The following KSR1 variants were observed in gnomAD, a reference collection of about 807,000 sequenced individuals.
The protein encoded by KSR1 is kinase suppressor of ras 1.
In KSR1, 35 loss-of-function variants were observed where a neutral mutation model predicts 92.9. The observed-to-expected ratio is 0.38, with a 90% CI of 0.29 to 0.50. The LOEUF (loss-of-function observed/expected upper bound fraction) is 0.50, where lower values mean the gene tolerates loss of function less well. Among genes scored for constraint, KSR1 ranks in the 20% least tolerant of loss-of-function variants. KSR1 has a pLI of 0.94. For synonymous variants in KSR1, 467 were observed against 472.6 expected, an observed-to-expected ratio of 0.99 and a Z score of 0.15; for missense variants, 972 against 1,158.5, an observed-to-expected ratio of 0.84 and a Z score of 2.34.
intron 13 of KSR1, 89 bp from the exon 14 acceptor site, chr17:27,605,343 CCT>C (rs2073712586): frequency 6.7e-7 from 1 of 1,492,102 alleles, no homozygotes; most frequent in Non-Finnish European, 8.9e-7. Flanking sequence ...GCCTCTCTCC[CCT>C]GTTACCTGGC....
chr17:27,490,550 G>A (rs1459328601), intron 1 of KSR1, among the ~76,000 whole-genome samples: 1 of 152,102 alleles, frequency 6.6e-6, no homozygotes, highest in Admixed American at 6.5e-5. Context: ...AGGATCAGGG[G>A]TGGGGGTTAC....
At chr17:27,602,423 A>G (rs1482316424) in intron 11 of KSR1, among the ~76,000 whole-genome samples, 1 of 152,216 alleles carries the variant, frequency 6.6e-6, no homozygotes, top group Non-Finnish European at 1.5e-5. Context: ...CATTGGGAAG[A>G]TATGGCTCTT....
At chr17:27,540,077 T>C (rs1228601681) in intron 1 of KSR1, among the ~76,000 whole-genome samples, 2 of 152,252 alleles carry the variant, frequency 1.3e-5, no homozygotes, top group African/African-American at 4.8e-5. Context: ...TTTTAAACCA[T>C]AGTTGACCTC....
At chr17:27,580,328 A>G (rs550128898) in intron 3 of KSR1, among the ~76,000 whole-genome samples, 1 of 152,238 alleles carries the variant, frequency 6.6e-6, no homozygotes, top group African/African-American at 2.4e-5. Context: ...ATGGGAGCAC[A>G]GGGACTGAGC....
At chr17:27,584,706 TC>T (rs2072902965) in intron 4 of KSR1, among the ~76,000 whole-genome samples, 2 of 152,158 alleles carry the variant, frequency 1.3e-5, no homozygotes, top group South Asian at 4.1e-4. Context: ...CTGAGTCCAG[TC>T]CCTGCAGAGC....
chr17:27,616,550 T>G lies in KSR1; in HGVS notation c.2494-745T>G, dbSNP rs2074059726. On this transcript the variant is annotated intron_variant, in intron 18 of 20. Coordinates refer to ENST00000644974, the MANE Select transcript of KSR1 (RefSeq NM_001394583.1). Reference sequence around the variant, plus strand: ...TCCAGAGACAGTATCTTGATCTGCTTATCTTTGATCTCTCTCTGGTTTTCC... The same window carrying G: ...TCCAGAGACAGTATCTTGATCTGCTGATCTTTGATCTCTCTCTGGTTTTCC... 1.3e-5 allele frequency among the ~76,000 whole-genome samples: 2 copies of G among 152,222 alleles called. 1 individual carries two copies. Among genetic ancestry groups the G allele is most frequent in the South Asian group, 4.1e-4 (2 of 4,828 alleles).
chr17:27,528,259 G>T (rs1567795441), intron 1 of KSR1, among the ~76,000 whole-genome samples: 1 of 151,874 alleles, frequency 6.6e-6, no homozygotes, highest in Non-Finnish European at 1.5e-5. Flanking sequence ...TAGAGAGAGG[G>T]TGTCACCATG....
At chr17:27,461,546 T>C (rs959619087) in intron 1 of KSR1, among the ~76,000 whole-genome samples, 3 of 152,240 alleles carry the variant, frequency 2.0e-5, no homozygotes, top group Non-Finnish European at 4.4e-5. Context: ...GCCAAGTGGC[T>C]CCAGCCGTCT....
At chr17:27,538,092 A>G (rs1048735051) in intron 1 of KSR1, among the ~76,000 whole-genome samples, 3 of 152,212 alleles carry the variant, frequency 2.0e-5, no homozygotes, top group African/African-American at 7.2e-5. Flanking sequence ...AGAATGAGGG[A>G]TACCTTCTTT....
intron 1 of KSR1, among the ~76,000 whole-genome samples, chr17:27,479,152 A>G (rs1292049392): frequency 2.6e-5 from 3 of 117,018 alleles, no homozygotes; most frequent in African/African-American, 1.0e-4. Context: ...TCCTCCCTCC[A>G]TCCATGCTCC....
chr17:27,588,464 T>C lies in KSR1; in HGVS notation c.986-11T>C, dbSNP rs771857208. On this transcript the variant is annotated splice_polypyrimidine_tract_variant and intron_variant, in intron 5 of 20. Coordinates refer to ENST00000644974, the MANE Select transcript of KSR1 (RefSeq NM_001394583.1). Reference sequence around the variant, plus strand: ...TTCCTCAGCCTGCCCATCCGGCCTCTTTCCCTGCAGATCTCTCGCATGGAT... The same window carrying C: ...TTCCTCAGCCTGCCCATCCGGCCTCCTTCCCTGCAGATCTCTCGCATGGAT... The C allele has an allele frequency of 8.3e-6, 13 of 1,570,784 alleles. No individual in the cohort carries two copies. The highest frequency in any genetic ancestry group is 1.0e-5 in the Non-Finnish European group (12 of 1,158,048).
intron 1 of KSR1, among the ~76,000 whole-genome samples, chr17:27,500,814 A>G (rs908139127): frequency 4.6e-5 from 7 of 152,260 alleles, no homozygotes; most frequent in African/African-American, 1.7e-4. Context: ...AGCGGGGGCA[A>G]AGGGTGCTGC....
chr17:27,494,685 T>C (rs2068926670), intron 1 of KSR1, among the ~76,000 whole-genome samples: 2 of 152,230 alleles, frequency 1.3e-5, no homozygotes, highest in Non-Finnish European at 2.9e-5. Context: ...TTCTGGCATT[T>C]GTGCAGTTTA....
At chr17:27,561,016 C>T (rs1438719062) in intron 2 of KSR1, among the ~76,000 whole-genome samples, 1 of 152,160 alleles carries the variant, frequency 6.6e-6, no homozygotes, top group Admixed American at 6.5e-5. Flanking sequence ...ACTGGCATGC[C>T]TGTATCACCT....
rs2019578576 is a variant in KSR1 at position 27,464,321 on chromosome 17, G to T, written c.231+7447G>T. Among the ~76,000 whole-genome samples, 7 of 152,328 alleles carry T rather than the reference G, an allele frequency of 4.6e-5. No individual in the cohort carries two copies. In the South Asian group the frequency reaches 1.5e-3, roughly 32 times the overall value. On this transcript the variant is annotated intron_variant, in intron 1 of 20. Coordinates refer to ENST00000644974, the MANE Select transcript of KSR1 (RefSeq NM_001394583.1). ...CTCAGTGGGCTGGCTCAGCCCGAAT[G>T]AACTGTCTTGAATCTTTGGAGTTGT...
intron 9 of KSR1, among the ~76,000 whole-genome samples, chr17:27,595,844 G>T (rs962258666): frequency 6.6e-6 from 1 of 152,062 alleles, no homozygotes. Flanking sequence ...TGTGGCTGGG[G>T]AGCCATGGCC....
In KSR1 at chr17:27,566,611, A is replaced by G. The variant is rs572009271; in HGVS notation, c.373-10881A>G. The G allele has an allele frequency of 2.0e-5, 8 of 399,012 alleles. No individual in the cohort carries two copies. In the South Asian group the frequency reaches 1.0e-3, roughly 51 times the overall value. The allele number at this position is 399,012 out of a possible 1,614,324, so 24.7% of individuals were successfully genotyped here. A position where few individuals can be genotyped will look rare whatever the true frequency, so the allele number is the denominator to read the frequency against. On this transcript the variant is annotated intron_variant, in intron 2 of 20. Coordinates refer to ENST00000644974, the MANE Select transcript of KSR1 (RefSeq NM_001394583.1). ...GTCTGGGCGCAGGAGGCCATTCCAC[A>G]GCTCCCTGGAGTTGAGTCTGTTTGC... is the stretch of plus-strand genomic sequence containing the variant.
chr17:27,577,849 T>C lies in KSR1; in HGVS notation c.520+210T>C. 2 of 689,326 alleles carry C rather than the reference T, an allele frequency of 2.9e-6. No homozygotes were observed. Among genetic ancestry groups the C allele is most frequent in the African/African-American group, 1.8e-5 (1 of 56,870 alleles). 42.7% of individuals were successfully genotyped at this position (689,326 alleles called of 1,614,324 possible). On this transcript the variant is annotated intron_variant, in intron 3 of 20. Coordinates refer to ENST00000644974, the MANE Select transcript of KSR1 (RefSeq NM_001394583.1). This position sits in a 1 kb window ranked among gnomAD's most constrained non-coding sequence, Gnocchi z 4.5. ...CTGGTGGGTCTGGCCAGGCCGAATC[T>C]GAGGGGTTTCAGCCATGGTTAGAAA... is the stretch of plus-strand genomic sequence containing the variant.
At chr17:27,507,780 G>C (rs1391318919) in intron 1 of KSR1, among the ~76,000 whole-genome samples, 1 of 151,762 alleles carries the variant, frequency 6.6e-6, no homozygotes, top group African/African-American at 2.4e-5. Context: ...TCTCCATGTT[G>C]GTCAGGCTGA....
Sources: allele counts gnomAD v4.1 joint callset (sites outside exome capture counted in the v4.1 genomes callset), GRCh38; gene constraint gnomAD v4.1.1; non-coding constraint Gnocchi (gnomAD v3.1); transcripts MANE v1.5; gene names NCBI Gene and HGNC (gene_info 2026-07-23, HGNC 2026-07-21).